The following ATG5 variants were observed in gnomAD, a reference collection of about 807,000 sequenced individuals.
ATG5 encodes autophagy protein 5.
A neutral mutation model predicts 36.5 loss-of-function variants in ATG5; 14 were observed. The observed-to-expected ratio is 0.38, with a 90% confidence interval of 0.25 to 0.60. The LOEUF is 0.60. Among genes scored for constraint, ATG5 ranks in the 20% least tolerant of loss-of-function variants. The pLI is 0.60. For missense variants in ATG5, 195 were observed against 326.7 expected (o/e 0.60, Z 3.11); for synonymous variants, 95 against 101.5 (o/e 0.94, Z 0.38).
At chr6:106,259,309 A>C (rs534804455) in intron 5 of ATG5, among the ~76,000 whole-genome samples, 3 of 152,198 alleles carry the variant, frequency 2.0e-5, no homozygotes, top group Non-Finnish European at 4.4e-5. Context: ...TACGTGATAT[A>C]CATAGTGTAT....
At chr6:106,296,366 A>C (rs1027030756) in intron 3 of ATG5, among the ~76,000 whole-genome samples, 2 of 152,210 alleles carry the variant, frequency 1.3e-5, no homozygotes, top group Non-Finnish European at 2.9e-5. Context: ...TCTAGAACTT[A>C]TTTCATCATT....
chr6:106,204,560 C>T (rs978500055), intron 6 of ATG5, among the ~76,000 whole-genome samples: 2 of 152,144 alleles, frequency 1.3e-5, no homozygotes, highest in Non-Finnish European at 2.9e-5. Flanking sequence ...TAGGGAGGGA[C>T]TGTAATCCCC....
At chr6:106,267,761 G>GGTT (rs1391302451) in intron 5 of ATG5, among the ~76,000 whole-genome samples, 1 of 152,124 alleles carries the variant, frequency 6.6e-6, no homozygotes, top group Non-Finnish European at 1.5e-5. Context: ...TTTAATAAAT[G>GGTT]GTTCTGGGAA....
chr6:106,241,639 A>G (rs1239687819), intron 6 of ATG5, among the ~76,000 whole-genome samples: 3 of 152,182 alleles, frequency 2.0e-5, no homozygotes, highest in Non-Finnish European at 4.4e-5. Flanking sequence ...TTAACATTTA[A>G]ATTGGTGGAT....
chr6:106,197,086 T>C (rs1470487924), intron 7 of ATG5, among the ~76,000 whole-genome samples: 1 of 152,194 alleles, frequency 6.6e-6, no homozygotes, highest in Non-Finnish European at 1.5e-5. Flanking sequence ...GACAGATCAT[T>C]ACAGAACACA....
chr6:106,241,039 GCTA>G (rs1339554837), intron 6 of ATG5, among the ~76,000 whole-genome samples: 1 of 152,182 alleles, frequency 6.6e-6, no homozygotes, highest in African/African-American at 2.4e-5. Flanking sequence ...TGTAGTCCCA[GCTA>G]CTCAGGAGGC....
chr6:106,294,534 T>C (rs1212644773), intron 3 of ATG5, among the ~76,000 whole-genome samples: 1 of 151,992 alleles, frequency 6.6e-6, no homozygotes, highest in Non-Finnish European at 1.5e-5. Context: ...GAATTTAGGA[T>C]GGGCTGGGTA....
chr6:106,302,676 CA>C (rs1770266179), intron 3 of ATG5, among the ~76,000 whole-genome samples: 1 of 151,798 alleles, frequency 6.6e-6, no homozygotes, highest in South Asian at 2.1e-4. Context: ...TTAAAAGATC[CA>C]AAATTACAGT....
At position 106,231,982 on chromosome 6, in the gene ATG5, C is replaced by G. The variant is rs374034051; in HGVS notation, c.573+16168G>C. On this transcript the variant is annotated intron_variant, in intron 6 of 7. Transcript: ENST00000369076. ...CAAGGACACTTTAAAAAAGATTGTCCAAATAGAAATAAGCCGCCCCCTCGT... is the reference window on the plus strand; with the variant it reads ...CAAGGACACTTTAAAAAAGATTGTCGAAATAGAAATAAGCCGCCCCCTCGT... Among the ~76,000 whole-genome samples the G allele has an allele frequency of 5.3e-5, 8 of 152,082 alleles. No individual in the cohort carries two copies. The East Asian group carries it at 1.3e-3, about 26-fold the overall frequency.
intron 3 of ATG5, among the ~76,000 whole-genome samples, chr6:106,305,068 G>T (rs1770386921): frequency 6.7e-6 from 1 of 149,368 alleles, no homozygotes; most frequent in South Asian, 2.1e-4. Flanking sequence ...TCCAGCCTGG[G>T]CGACAAGAGC....
At chr6:106,311,900 G>A (rs906401758) in intron 2 of ATG5, among the ~76,000 whole-genome samples, 9 of 150,814 alleles carry the variant, frequency 6.0e-5, no homozygotes, top group Non-Finnish European at 1.0e-4. Context: ...GCAAGATCTC[G>A]GCTCACTGCA....
At chr6:106,311,708 A>C (rs1332001958) in intron 2 of ATG5, among the ~76,000 whole-genome samples, 1 of 152,238 alleles carries the variant, frequency 6.6e-6, no homozygotes, top group Non-Finnish European at 1.5e-5. Flanking sequence ...AAAGGTTTTA[A>C]GCAAGCAAGT....
chr6:106,211,969 G>A (rs1776868759), intron 6 of ATG5, among the ~76,000 whole-genome samples: 1 of 152,056 alleles, frequency 6.6e-6, no homozygotes, highest in Admixed American at 6.6e-5. Flanking sequence ...GATTTACAAG[G>A]GTTGCTTAAG....
chr6:106,325,732 G>A lies in ATG5; in HGVS notation c.-265C>T, dbSNP rs899676704. On this transcript the variant is annotated 5_prime_UTR_variant, in exon 1 of 8. Transcript: ENST00000369076. Reference sequence around the variant, plus strand: ...GAACCCTGCTGCACTTCCGCCCTCTGGTATCCAGCGAATACAACCGGCAAC... The same window carrying A: ...GAACCCTGCTGCACTTCCGCCCTCTAGTATCCAGCGAATACAACCGGCAAC... 7 of 152,858 alleles carry A rather than the reference G, an allele frequency of 4.6e-5. No individual in the cohort carries two copies. The highest frequency in any genetic ancestry group is 1.0e-4 in the Non-Finnish European group (7 of 68,154). The allele number at this position is 152,858 out of a possible 1,614,324, so 9.5% of individuals were successfully genotyped here.
intron 4 of ATG5, among the ~76,000 whole-genome samples, chr6:106,280,563 AG>A (rs1779839890): frequency 7.9e-6 from 1 of 127,354 alleles, no homozygotes; most frequent in African/African-American, 3.0e-5. Context: ...TCTTTTAGGC[AG>A]CTAAAGCAAT....
At chr6:106,268,868 G>A (rs1313053096) in intron 5 of ATG5, among the ~76,000 whole-genome samples, 1 of 151,806 alleles carries the variant, frequency 6.6e-6, no homozygotes, top group Non-Finnish European at 1.5e-5. Flanking sequence ...CACACACACG[G>A]GGGCCTGTCG....
At chr6:106,246,705 A>C (rs1778354512) in intron 6 of ATG5, among the ~76,000 whole-genome samples, 1 of 152,246 alleles carries the variant, frequency 6.6e-6, no homozygotes, top group Non-Finnish European at 1.5e-5. Context: ...TATAAATCTC[A>C]AAACAGTTTC....
intron 4 of ATG5, among the ~76,000 whole-genome samples, chr6:106,280,479 G>C (rs547208154): frequency 1.6e-4 from 25 of 152,082 alleles, no homozygotes; most frequent in African/African-American, 6.0e-4. Context: ...AAGTCAATTA[G>C]ACCTCAATAA....
chr6:106,266,113 GAAGAA>G (rs1203138996), intron 5 of ATG5, among the ~76,000 whole-genome samples: 4 of 150,640 alleles, frequency 2.7e-5, no homozygotes, highest in Non-Finnish European at 5.9e-5. Context: ...GACTAATAAA[GAAGAA>G]AAGAGAGAAG....
Sources: gnomAD v4.1 joint callset for allele counts (sites outside exome capture counted in the v4.1 genomes callset) on GRCh38, gnomAD v4.1.1 for gene constraint, MANE v1.5 for transcripts, NCBI Gene and HGNC (gene_info 2026-07-23, HGNC 2026-07-21) for gene names.